Variants in CASZ1 observed in about 807,000 individuals in gnomAD.
CASZ1 encodes the protein castor zinc finger 1, also known as zinc finger protein castor homolog 1.
Under a neutral mutation model 135.2 loss-of-function variants are expected in CASZ1, and 28 were observed. That is an observed-to-expected ratio of 0.21 (90% CI 0.15 to 0.28). The LOEUF is 0.28. CASZ1 is among the 10% of genes least tolerant of loss of function. The pLI is 1.00. For missense variants in CASZ1, 2,161 were observed against 2,453.3 expected, an observed-to-expected ratio of 0.88 and a Z score of 2.52; for synonymous variants, 1,068 against 1,073.4, an observed-to-expected ratio of 0.99 and a Z score of 0.10.
rs529507756 is a variant in CASZ1, at chr1:10,697,388, A to G, written c.-23-3476T>C. 6.6e-6 allele frequency among the ~76,000 whole-genome samples: 1 copy of G among 152,276 alleles called. No homozygotes were observed. Among genetic ancestry groups the G allele is most frequent in the South Asian group, 2.1e-4 (1 of 4,810 alleles). On this transcript the variant is annotated intron_variant, in intron 3 of 20. Transcript: ENST00000377022. This position sits in a 1 kb window ranked among gnomAD's most constrained non-coding sequence, Gnocchi z 4.7. Reference sequence around the variant, plus strand: ...TGAGGACCTTCATGCCCGGGACTCAAGGGATGGAAGTCCAATGCCATAATC... The same window carrying G: ...TGAGGACCTTCATGCCCGGGACTCAGGGGATGGAAGTCCAATGCCATAATC...
At chr1:10,729,846 C>T (rs1234349462) in intron 2 of CASZ1, among the ~76,000 whole-genome samples, 4 of 152,056 alleles carry the variant, frequency 2.6e-5, no homozygotes, top group South Asian at 2.1e-4. Context: ...CATGGAGTCT[C>T]GCTCTGTCGC....
At chr1:10,714,508 G>A (rs905343328) in intron 2 of CASZ1, among the ~76,000 whole-genome samples, 10 of 152,160 alleles carry the variant, frequency 6.6e-5, no homozygotes, top group African/African-American at 1.7e-4. Flanking sequence ...TCCTGGCTCC[G>A]GCCCACGAGG....
At chr1:10,651,448 G>C in intron 11 of CASZ1, 1 of 163,652 alleles carries the variant, frequency 6.1e-6, no homozygotes. Flanking sequence ...GAAAGTGGCA[G>C]ATCTGGACTG....
At chr1:10,698,573 C>A (rs1276070091) in intron 3 of CASZ1, among the ~76,000 whole-genome samples, 1 of 152,152 alleles carries the variant, frequency 6.6e-6, no homozygotes, top group Non-Finnish European at 1.5e-5. Flanking sequence ...CAGCAAAATC[C>A]TTGAAAAATG....
chr1:10,650,114 C>T lies in CASZ1; in HGVS notation c.2880+578G>A, dbSNP rs574429311. ...TGCGGCGAGAGGTCCGGCCCGGGCC[C>T]GGCCCCTCCTCAGGGCAGTCACTTG... On this transcript the variant is annotated intron_variant, in intron 13 of 20. Coordinates refer to ENST00000377022, the MANE Select transcript of CASZ1 (RefSeq NM_001079843.3). 413 of 152,548 alleles carry T rather than the reference C, an allele frequency of 2.7e-3. 3 individuals carry two copies. The highest frequency in any genetic ancestry group is 4.7e-3 in the Admixed American group (72 of 15,308). The allele number at this position is 152,548 out of a possible 1,614,324, so 9.4% of individuals were successfully genotyped here. A position where few individuals can be genotyped will look rare whatever the true frequency, so the allele number is the denominator to read the frequency against.
rs1639290552 is a variant in CASZ1 at position 10,711,753 on chromosome 1, AG to A, written c.-76-6210del. Reference sequence around the variant, plus strand: ...ATTGAATATTATTCAGCTATAAAAAAGGAGTGAAGTTCTGATATGGGCTACA... The same window carrying A: ...ATTGAATATTATTCAGCTATAAAAAAGAGTGAAGTTCTGATATGGGCTACA... On this transcript the variant is annotated intron_variant, in intron 2 of 20. Coordinates refer to ENST00000377022, the MANE Select transcript of CASZ1 (RefSeq NM_001079843.3). This position sits in a 1 kb window ranked among gnomAD's most constrained non-coding sequence, Gnocchi z 4.4. 6.6e-6 allele frequency among the ~76,000 whole-genome samples: 1 copy of A among 152,222 alleles called. No homozygotes were observed. Among genetic ancestry groups the A allele is most frequent in the South Asian group, 2.1e-4 (1 of 4,834 alleles).
chr1:10,647,091 TG>T lies in CASZ1; in HGVS notation c.3497+709del. 4.8e-6 allele frequency: 1 copy of T among 208,180 alleles called. No individual in the cohort carries two copies. The highest frequency in any genetic ancestry group is 6.2e-6 in the Non-Finnish European group (1 of 161,788). 12.9% of individuals were successfully genotyped at this position (208,180 alleles called of 1,614,324 possible). On this transcript the variant is annotated intron_variant, in intron 16 of 20. Coordinates refer to ENST00000377022, the MANE Select transcript of CASZ1 (RefSeq NM_001079843.3). This position sits in a 1 kb window ranked among gnomAD's most constrained non-coding sequence, Gnocchi z 4.9. ...GCCAGGGAAACCTGAGCTGCTACTC[TG>T]GGGAGGAGGAGGGGGAGGGGAGGCT...
In CASZ1 at chr1:10,656,739, G is replaced by A. The variant is rs1446126780; in HGVS notation, c.1410-3C>T. 4 of 1,580,146 alleles carry A rather than the reference G, an allele frequency of 2.5e-6. No homozygotes were observed. On this transcript the variant is annotated splice_polypyrimidine_tract_variant and splice_region_variant and intron_variant, in intron 7 of 20. Transcript: ENST00000377022. ...CACAGTGCTGGCTGCCCGAGAACCT[G>A]GAGGGAGGAGGGGTGGGGTCAGGGC...
At position 10,794,226 on chromosome 1, in the gene CASZ1, CG is replaced by C. The variant is rs1170932902; in HGVS notation, c.-234+2337del. Reference sequence around the variant, plus strand: ...GCGCGCGCGCGCGTCGTGGGTTGGGCGGGGGGACACCAAGATTATCCGGCGA... The same window carrying C: ...GCGCGCGCGCGCGTCGTGGGTTGGGCGGGGGACACCAAGATTATCCGGCGA... On this transcript the variant is annotated intron_variant, in intron 1 of 20. Coordinates refer to ENST00000377022, the MANE Select transcript of CASZ1 (RefSeq NM_001079843.3). This position sits in a 1 kb window ranked among gnomAD's most constrained non-coding sequence, Gnocchi z 5.6. Among the ~76,000 whole-genome samples the C allele has an allele frequency of 2.0e-5, 3 of 151,710 alleles. No individual in the cohort carries two copies. The highest frequency in any genetic ancestry group is 4.4e-5 in the Non-Finnish European group (3 of 67,918).
Position 10,759,780 on chromosome 1 carries a change from C to T in CASZ1, c.-77+921G>A, listed in dbSNP as rs757997644. 6.6e-6 allele frequency among the ~76,000 whole-genome samples: 1 copy of T among 151,874 alleles called. No homozygotes were observed. Among genetic ancestry groups the T allele is most frequent in the Non-Finnish European group, 1.5e-5 (1 of 67,952 alleles). On this transcript the variant is annotated intron_variant, in intron 2 of 20. Transcript: ENST00000377022. The surrounding 1 kb of genome is among the most constrained non-coding windows in gnomAD (Gnocchi z 4.2). Reference sequence around the variant, plus strand: ...GCGCAGGCAGGTGAGCCAGGGACACCGGCTCCAGGCTGGCACACATAGGAA... The same window carrying T: ...GCGCAGGCAGGTGAGCCAGGGACACTGGCTCCAGGCTGGCACACATAGGAA...
chr1:10,706,387 C>G lies in CASZ1; in HGVS notation c.-76-843G>C, dbSNP rs1639173693. 6.6e-6 allele frequency among the ~76,000 whole-genome samples: 1 copy of G among 152,226 alleles called. No homozygotes were observed. The highest frequency in any genetic ancestry group is 2.4e-5 in the African/African-American group (1 of 41,462). ...CAACCCTTGCTCAAGCCAGGCCCTGCCCCTGCAGGCCTCAGAACCCTATCC... is the reference window on the plus strand; with the variant it reads ...CAACCCTTGCTCAAGCCAGGCCCTGGCCCTGCAGGCCTCAGAACCCTATCC... On this transcript the variant is annotated intron_variant, in intron 2 of 20. Coordinates refer to ENST00000377022, the MANE Select transcript of CASZ1 (RefSeq NM_001079843.3). This position sits in a 1 kb window ranked among gnomAD's most constrained non-coding sequence, Gnocchi z 4.3.
intron 2 of CASZ1, among the ~76,000 whole-genome samples, chr1:10,743,772 G>A (rs1003146664): frequency 2.0e-5 from 3 of 151,390 alleles, no homozygotes; most frequent in Admixed American, 6.6e-5. Flanking sequence ...ATCCCGTGAC[G>A]GGAGGGCAGG....
intron 1 of CASZ1, among the ~76,000 whole-genome samples, chr1:10,792,211 T>G (rs896229758): frequency 1.3e-4 from 18 of 135,446 alleles, no homozygotes; most frequent in Non-Finnish European, 1.7e-4. Context: ...ATAGCAGGGG[T>G]GGAGTCAGTT....
At chr1:10,645,447 G>A (rs1045208044) in intron 17 of CASZ1, among the ~76,000 whole-genome samples, 29 of 152,102 alleles carry the variant, frequency 1.9e-4, no homozygotes, top group Non-Finnish European at 4.0e-4. Context: ...GGAGAATGGC[G>A]TGAACCCGGG....
In CASZ1 at chr1:10,794,884, G is replaced by T. The variant is rs1471574429; in HGVS notation, c.-234+1680C>A. Among the ~76,000 whole-genome samples, 1 of 150,810 alleles carries T rather than the reference G, an allele frequency of 6.6e-6. No homozygotes were observed. Among genetic ancestry groups the T allele is most frequent in the Non-Finnish European group, 1.5e-5 (1 of 67,600 alleles). The stretch of plus-strand genomic sequence containing the variant: ...AACGCTCCGCAGCGGCCCAGCAACC[G>T]CCCGCCCGCCCGCGCCCGGCCAGCC... On this transcript the variant is annotated intron_variant, in intron 1 of 20. Transcript: ENST00000377022. This position sits in a 1 kb window ranked among gnomAD's most constrained non-coding sequence, Gnocchi z 5.6.
At chr1:10,714,692 A>G (rs1445471752) in intron 2 of CASZ1, among the ~76,000 whole-genome samples, 1 of 152,238 alleles carries the variant, frequency 6.6e-6, no homozygotes, top group Non-Finnish European at 1.5e-5. Flanking sequence ...AGTTTGTCCG[A>G]CAACATCCCA....
chr1:10,661,587 CACACCCA>C (rs1328360032), intron 5 of CASZ1, among the ~76,000 whole-genome samples: 1 of 151,250 alleles, frequency 6.6e-6, no homozygotes, highest in African/African-American at 2.4e-5. Context: ...CTCAAACACA[CACACCCA>C]ACACGGTCAC....
chr1:10,717,388 T>A lies in CASZ1; in HGVS notation c.-76-11844A>T, dbSNP rs570065853. On this transcript the variant is annotated intron_variant, in intron 2 of 20. Coordinates refer to ENST00000377022, the MANE Select transcript of CASZ1 (RefSeq NM_001079843.3). The surrounding 1 kb of genome is among the most constrained non-coding windows in gnomAD (Gnocchi z 4.6). Reference sequence around the variant, plus strand: ...GTTGGTGAGTTGTTGGAGGTTTTTTTTTCTTTTCTTTTCTTTTTTGCTATT... The same window carrying A: ...GTTGGTGAGTTGTTGGAGGTTTTTTATTCTTTTCTTTTCTTTTTTGCTATT... Among the ~76,000 whole-genome samples, 3 of 152,256 alleles carry A rather than the reference T, an allele frequency of 2.0e-5. No individual in the cohort carries two copies. The highest frequency in any genetic ancestry group is 3.9e-4 in the East Asian group (2 of 5,186).
At chr1:10,663,346 G>A (rs1643112062) in intron 5 of CASZ1, among the ~76,000 whole-genome samples, 1 of 152,054 alleles carries the variant, frequency 6.6e-6, no homozygotes, top group Non-Finnish European at 1.5e-5. Context: ...TAGGGGAGGA[G>A]AGGACAGTCA....
Sources: allele counts gnomAD v4.1 joint callset (sites outside exome capture counted in the v4.1 genomes callset), GRCh38; gene constraint gnomAD v4.1.1; non-coding constraint Gnocchi (gnomAD v3.1); transcripts MANE v1.5; gene names NCBI Gene and HGNC (gene_info 2026-07-23, HGNC 2026-07-21).